Variants in ITGA11 observed in about 807,000 individuals in gnomAD.
The protein encoded by ITGA11 is integrin subunit alpha 11, also known as integrin alpha-11.
In ITGA11, 97 loss-of-function variants were observed where a neutral mutation model predicts 141.9. The ratio of observed to expected loss-of-function variants is 0.68; its 90% CI spans 0.58 to 0.81. The LOEUF (loss-of-function observed/expected upper bound fraction) is 0.81. ITGA11 is among the 30% of genes least tolerant of loss of function. The pLI, the probability that ITGA11 is intolerant of heterozygous loss-of-function variation, is 0.00. For missense variants in ITGA11, 1,387 were observed against 1,559.2 expected (o/e 0.89, Z 1.86); for synonymous variants, 658 against 624.6 (o/e 1.05, Z -0.80).
At chr15:68,375,552 G>A (rs1422173017) in intron 2 of ITGA11, among the ~76,000 whole-genome samples, 1 of 152,168 alleles carries the variant, frequency 6.6e-6, no homozygotes, top group African/African-American at 2.4e-5. Flanking sequence ...CTGCCCAAGG[G>A]GAGAAGTTGG....
intron 9 of ITGA11, among the ~76,000 whole-genome samples, chr15:68,350,352 TTTTTG>T (rs985548400): frequency 6.8e-5 from 10 of 146,094 alleles, no homozygotes; most frequent in Non-Finnish European, 1.0e-4. Flanking sequence ...ACCTAGCTAA[TTTTTG>T]TAATTTTTTT....
Position 68,307,538 on chromosome 15 carries a change from G to C in ITGA11, c.3285+48C>G. ...CCAGGTGGAAGACATCCCAACAGCC[G>C]CCCCCTTTCCCTTCTTCCTTCCAGC... On this transcript the variant is annotated intron_variant, in intron 27 of 29. Coordinates refer to ENST00000315757, the MANE Select transcript of ITGA11 (RefSeq NM_001004439.2). This position sits in a 1 kb window ranked among gnomAD's most constrained non-coding sequence, Gnocchi z 6.1. 6.5e-7 allele frequency: 1 copy of C among 1,527,366 alleles called. No individual in the cohort carries two copies. Among genetic ancestry groups the C allele is most frequent in the African/African-American group, 1.4e-5 (1 of 73,122 alleles). 94.6% of individuals were successfully genotyped at this position (1,527,366 alleles called of 1,614,324 possible).
rs1198277033 is a variant in ITGA11 at position 68,348,898 on chromosome 15, T to C, written c.1063A>G (p.Thr355Ala). 2 of 1,605,202 alleles carry C rather than the reference T, an allele frequency of 1.2e-6. No individual in the cohort carries two copies. Among genetic ancestry groups the C allele is most frequent in the South Asian group, 2.2e-5 (2 of 88,950 alleles). Residue 355 changes from threonine (T) to alanine (A), a missense_variant and splice_region_variant, in exon 10 of 30, where the codon ACC becomes GCC. Thr to Ala is a moderately conservative substitution (Grantham distance 58). Coordinates refer to ENST00000315757, the MANE Select transcript of ITGA11 (RefSeq NM_001004439.2). ...CCAAAGGAGGTCTCGTTCTTGTTGG[T>C]GCCTGCAACAGAGTGACAGAGAGAT... ...LGDRIFSLEGTNKNETSFGLE... is the reference protein window; with the variant it reads ...LGDRIFSLEGANKNETSFGLE...
At chr15:68,312,716 G>T in intron 24 of ITGA11, 57 bp downstream of exon 24, 4 of 1,303,026 alleles carry the variant, frequency 3.1e-6, no homozygotes, top group Non-Finnish European at 3.3e-6. Flanking sequence ...TCCCCTCCAG[G>T]ATGGGGGTGC....
Position 68,361,584 on chromosome 15 carries a change from A to C in ITGA11, c.472+6T>G. On this transcript the variant is annotated splice_donor_region_variant and intron_variant, in intron 5 of 29. Transcript: ENST00000315757. ...AGCTTGAGGTTGCAGATTTGAAGCC[A>C]CTTACTTTGGAGAGCTGGGGCCACG... 1 of 1,586,472 alleles carries C rather than the reference A, an allele frequency of 6.3e-7. No individual in the cohort carries two copies. Among genetic ancestry groups the C allele is most frequent in the Non-Finnish European group, 8.6e-7 (1 of 1,163,138 alleles).
chr15:68,351,131 T>C (rs1451468982), intron 8 of ITGA11, 127 bp downstream of exon 8: 3 of 982,806 alleles, frequency 3.1e-6, no homozygotes, highest in Admixed American at 5.6e-5. Context: ...GAAGATGAAA[T>C]GGGAGGCTTT....
chr15:68,381,429 A>G (rs1234114671), intron 2 of ITGA11, among the ~76,000 whole-genome samples: 1 of 152,172 alleles, frequency 6.6e-6, no homozygotes, highest in Non-Finnish European at 1.5e-5. Context: ...AGCACTTTAT[A>G]TGAATAAACA....
chr15:68,409,258 C>A (rs1002203176), intron 1 of ITGA11, among the ~76,000 whole-genome samples: 1 of 152,170 alleles, frequency 6.6e-6, no homozygotes, highest in African/African-American at 2.4e-5. Flanking sequence ...TCACTCCCTG[C>A]CTTGCATAAC....
chr15:68,412,118 G>T (rs1035711643), intron 1 of ITGA11, among the ~76,000 whole-genome samples: 3 of 152,114 alleles, frequency 2.0e-5, no homozygotes, highest in Admixed American at 6.5e-5. Flanking sequence ...GGGATTATTG[G>T]TTACAGGACA....
chr15:68,376,442 T>C (rs970568308), intron 2 of ITGA11, among the ~76,000 whole-genome samples: 10 of 152,216 alleles, frequency 6.6e-5, no homozygotes, highest in African/African-American at 1.4e-4. Context: ...TATTTCCCTA[T>C]AGGATTTAAG....
At chr15:68,430,604 C>T (rs1022127792) in intron 1 of ITGA11, among the ~76,000 whole-genome samples, 1 of 152,174 alleles carries the variant, frequency 6.6e-6, no homozygotes, top group Non-Finnish European at 1.5e-5. Context: ...GTGGCTGGAT[C>T]TCCTAGTGAT....
At chr15:68,399,689 A>T (rs1194308287) in intron 2 of ITGA11, among the ~76,000 whole-genome samples, 1 of 152,164 alleles carries the variant, frequency 6.6e-6, no homozygotes, top group East Asian at 1.9e-4. Context: ...AAGCAAATTA[A>T]CACAGAAACA....
intron 10 of ITGA11, among the ~76,000 whole-genome samples, chr15:68,340,998 G>A (rs146470217): frequency 6.6e-6 from 1 of 152,158 alleles, no homozygotes; most frequent in African/African-American, 2.4e-5. Context: ...TCTCTCCCAC[G>A]GAGCCTTCCC....
chr15:68,359,739 T>C (rs1183978687), intron 5 of ITGA11, among the ~76,000 whole-genome samples: 5 of 150,296 alleles, frequency 3.3e-5, no homozygotes, highest in Non-Finnish European at 7.4e-5. Context: ...ATATTGGCCA[T>C]AACAAATATT....
Position 68,304,806 on chromosome 15 carries a change from C to T in ITGA11, c.3382-921G>A, listed in dbSNP as rs970638870. Among the ~76,000 whole-genome samples the T allele has an allele frequency of 1.3e-5, 2 of 152,234 alleles. No individual in the cohort carries two copies. The highest frequency in any genetic ancestry group is 2.4e-5 in the African/African-American group (1 of 41,442). On this transcript the variant is annotated intron_variant, in intron 28 of 29. Coordinates refer to ENST00000315757, the MANE Select transcript of ITGA11 (RefSeq NM_001004439.2). The surrounding 1 kb of genome is among the most constrained non-coding windows in gnomAD (Gnocchi z 6.1). ...AGAAGCCATGTATCCATCACTGACC[C>T]TAACTCTCACACCCACACGGAGCCC... is the stretch of plus-strand genomic sequence containing the variant.
intron 24 of ITGA11, among the ~76,000 whole-genome samples, chr15:68,312,214 C>T (rs570747762): frequency 5.9e-4 from 90 of 152,322 alleles, no homozygotes; most frequent in Middle Eastern, 6.8e-3. Context: ...TCCCAGCCTC[C>T]CTTATGGCTC....
At chr15:68,365,743 T>C (rs1895401761) in intron 3 of ITGA11, among the ~76,000 whole-genome samples, 1 of 151,580 alleles carries the variant, frequency 6.6e-6, no homozygotes, top group Non-Finnish European at 1.5e-5. Context: ...CCCTTTTCTT[T>C]TCTTTTTTTT....
At chr15:68,313,904 G>A in intron 22 of ITGA11, 36 bp from the exon 23 acceptor site, 2 of 1,545,920 alleles carry the variant, frequency 1.3e-6, no homozygotes, top group Non-Finnish European at 1.8e-6. Context: ...TCAGGAAGGG[G>A]CTCAGCCAGC....
At chr15:68,364,675 C>CAAAA in intron 4 of ITGA11, 32 bp downstream of exon 4, 1 of 1,206,280 alleles carries the variant, frequency 8.3e-7, no homozygotes, top group Non-Finnish European at 1.2e-6. Context: ...CCCTGCCTCT[C>CAAAA]CTGACCCCAA....
Sources: gnomAD v4.1 joint callset for allele counts (sites outside exome capture counted in the v4.1 genomes callset) on GRCh38, gnomAD v4.1.1 for gene constraint, Gnocchi (gnomAD v3.1) non-coding constraint, MANE v1.5 for transcripts, NCBI Gene and HGNC (gene_info 2026-07-23, HGNC 2026-07-21) for gene names.